Variants in DLGAP1 observed in about 807,000 individuals in gnomAD.
The protein encoded by DLGAP1 is disks large-associated protein 1.
DLGAP1 carries 11 observed loss-of-function variants against 90.8 expected under a neutral mutation model. The observed-to-expected ratio is 0.12, with a 90% CI of 0.08 to 0.20. The LOEUF (loss-of-function observed/expected upper bound fraction) is 0.20, where lower values mean the gene tolerates loss of function less well. DLGAP1 is among the 10% of genes least tolerant of loss of function. The pLI is 1.00. For synonymous variants in DLGAP1, 558 were observed against 540.7 expected (o/e 1.03, Z -0.44); for missense variants, 1,050 against 1,333.8 (o/e 0.79, Z 3.31).
rs1185849379 is a variant in DLGAP1, at chr18:3,534,293, G to A, written c.2380C>T (p.His794Tyr). ...GCCTGGAGAAGCTTCAGGAACCAGT[G>A]GCCATCCCGGTGGCACACTGACCTT... ...VQRSVCHRDG[H>Y]WFLKLLQAER... The change falls in exon 10 of 13, where the codon CAC becomes TAC. Residue 794 changes from histidine (H) to tyrosine (Y), a missense_variant. Around this residue, in one of 2 missense-constraint regions of DLGAP1, gnomAD observed 565 missense variants for 879.7 expected, o/e 0.64. Coordinates refer to ENST00000315677, the MANE Select transcript of DLGAP1 (RefSeq NM_004746.4). 4 of 1,614,232 alleles carry A rather than the reference G, an allele frequency of 2.5e-6. No individual in the cohort carries two copies. Among genetic ancestry groups the A allele is most frequent in the Admixed American group, 1.7e-5 (1 of 60,022 alleles).
At chr18:4,332,559 C>G (rs1012752637) in intron 1 of DLGAP1, among the ~76,000 whole-genome samples, 3 of 151,798 alleles carry the variant, frequency 2.0e-5, no homozygotes, top group Admixed American at 6.6e-5. Flanking sequence ...TAGGCCTCAT[C>G]CAAAGATGCC....
chr18:4,209,052 C>G (rs1310619128), intron 1 of DLGAP1, among the ~76,000 whole-genome samples: 1 of 152,104 alleles, frequency 6.6e-6, no homozygotes, highest in African/African-American at 2.4e-5. Context: ...GAAAGCTGCT[C>G]CCTTCATTAA....
chr18:3,759,617 C>T (rs1278914892), intron 5 of DLGAP1, among the ~76,000 whole-genome samples: 2 of 152,212 alleles, frequency 1.3e-5, no homozygotes, highest in African/African-American at 4.8e-5. Flanking sequence ...CTATGCATGA[C>T]GCTTATGCTG....
At chr18:4,304,147 T>C (rs2143316124) in intron 1 of DLGAP1, among the ~76,000 whole-genome samples, 1 of 152,286 alleles carries the variant, frequency 6.6e-6, no homozygotes, top group African/African-American at 2.4e-5. Context: ...TATGAGAAGG[T>C]CATGAGAAAT....
chr18:3,998,136 A>C (rs552093411), intron 3 of DLGAP1, among the ~76,000 whole-genome samples: 96 of 152,328 alleles, frequency 6.3e-4, no homozygotes, highest in South Asian at 1.0e-3. Flanking sequence ...GCAAAATGGC[A>C]ATACTCAAAT....
chr18:4,125,487 T>C, intron 2 of DLGAP1, among the ~76,000 whole-genome samples: 1 of 152,076 alleles, frequency 6.6e-6, no homozygotes, highest in East Asian at 1.9e-4. Flanking sequence ...ACTCAAGCAA[T>C]ATTGGCAAAA....
intron 7 of DLGAP1, among the ~76,000 whole-genome samples, chr18:3,627,524 A>C (rs2058340918): frequency 6.6e-6 from 1 of 152,110 alleles, no homozygotes; most frequent in African/African-American, 2.4e-5. Context: ...CGCTATCCGG[A>C]TGCTTCTCTA....
chr18:3,987,970 G>T (rs2073876406), intron 3 of DLGAP1, among the ~76,000 whole-genome samples: 1 of 152,056 alleles, frequency 6.6e-6, no homozygotes, highest in Non-Finnish European at 1.5e-5. Flanking sequence ...ATGGTTTCGG[G>T]ATGATTCAAG....
At chr18:4,339,570 A>AAT (rs2143830370) in intron 1 of DLGAP1, among the ~76,000 whole-genome samples, 1 of 152,284 alleles carries the variant, frequency 6.6e-6, no homozygotes, top group South Asian at 2.1e-4. Flanking sequence ...CTGATCACAC[A>AAT]ATAATGAGCT....
At chr18:3,901,659 A>G (rs1363747672) in intron 3 of DLGAP1, among the ~76,000 whole-genome samples, 1 of 152,080 alleles carries the variant, frequency 6.6e-6, no homozygotes, top group African/African-American at 2.4e-5. Context: ...TACCACCTAC[A>G]TGGGGTATTT....
At chr18:4,236,653 C>A (rs986562309) in intron 1 of DLGAP1, among the ~76,000 whole-genome samples, 95 of 151,942 alleles carry the variant, frequency 6.3e-4, no homozygotes, top group African/African-American at 2.2e-3. Flanking sequence ...TGCTTTAATG[C>A]AATGTTGTTT....
chr18:3,795,589 C>T (rs1179220018), intron 5 of DLGAP1, among the ~76,000 whole-genome samples: 1 of 152,164 alleles, frequency 6.6e-6, no homozygotes, highest in African/African-American at 2.4e-5. Context: ...GCTGGGATTA[C>T]AGGCATGAGT....
intron 2 of DLGAP1, among the ~76,000 whole-genome samples, chr18:4,069,157 C>A (rs1424433345): frequency 6.6e-6 from 1 of 152,094 alleles, no homozygotes; most frequent in Non-Finnish European, 1.5e-5. Flanking sequence ...TTTTATCCTA[C>A]TAAAGTGTAA....
chr18:3,658,233 G>A (rs1048793646), intron 7 of DLGAP1, among the ~76,000 whole-genome samples: 18 of 152,108 alleles, frequency 1.2e-4, no homozygotes, highest in African/African-American at 4.1e-4. Context: ...AACATGACTA[G>A]GAAATGATGA....
chr18:4,443,496 T>C (rs2083587237), intron 1 of DLGAP1, among the ~76,000 whole-genome samples: 2 of 152,194 alleles, frequency 1.3e-5, no homozygotes, highest in African/African-American at 2.4e-5. Context: ...GTCCTAAACA[T>C]GGTTTTCATT....
chr18:3,583,231 T>C (rs1040068436), intron 7 of DLGAP1, among the ~76,000 whole-genome samples: 4 of 149,532 alleles, frequency 2.7e-5, no homozygotes, highest in Admixed American at 2.0e-4. Flanking sequence ...CCTCCCTCCC[T>C]TTCTCTCTCT....
intron 7 of DLGAP1, among the ~76,000 whole-genome samples, chr18:3,687,379 C>G (rs2060738711): frequency 6.6e-6 from 1 of 152,138 alleles, no homozygotes; most frequent in South Asian, 2.1e-4. Context: ...ATGAAATGGA[C>G]AGATGGTGTA....
At chr18:3,756,151 G>T (rs182066573) in intron 5 of DLGAP1, among the ~76,000 whole-genome samples, 2 of 152,038 alleles carry the variant, frequency 1.3e-5, no homozygotes, top group Admixed American at 1.3e-4. Flanking sequence ...CCGGGTTCAC[G>T]CCATTCTCCT....
chr18:3,834,184 T>C (rs2068230584), intron 4 of DLGAP1, among the ~76,000 whole-genome samples: 1 of 151,610 alleles, frequency 6.6e-6, no homozygotes, highest in African/African-American at 2.4e-5. Context: ...CGGGCACCTG[T>C]AGTCCCAGCT....
Sources: allele counts gnomAD v4.1 joint callset (sites outside exome capture counted in the v4.1 genomes callset), GRCh38; gene constraint gnomAD v4.1.1; regional missense constraint gnomAD v4.1.1; transcripts MANE v1.5; gene names NCBI Gene and HGNC (gene_info 2026-07-23, HGNC 2026-07-21).